Variants in SERPINA1 observed in about 807,000 individuals in gnomAD.
The protein encoded by SERPINA1 is serpin family A member 1.
A neutral mutation model predicts 25.4 loss-of-function variants in SERPINA1; 21 were observed. That is an observed-to-expected ratio of 0.83 (90% confidence interval 0.59 to 1.19). SERPINA1 has a LOEUF of 1.19. SERPINA1 is among the 50% of genes most tolerant of loss of function. The pLI is 0.00. For missense variants in SERPINA1, 546 were observed against 509.0 expected (o/e 1.07, Z -0.70); for synonymous variants, 218 against 211.1 (o/e 1.03, Z -0.29).
chr14:94,389,774 C>T (rs1046501051), upstream of SERPINA1: 1 of 152,228 alleles, frequency 6.6e-6, no homozygotes, highest in Non-Finnish European at 1.5e-5. Flanking sequence ...TTTATGCCTC[C>T]ACCTTGGGGC....
intron 2 of SERPINA1, 123 bp from the exon 3 acceptor site, chr14:94,381,264 C>T (rs1896896291): frequency 1.1e-6 from 1 of 947,398 alleles, no homozygotes. Flanking sequence ...ACACACATCC[C>T]TCGAGGCTCA....
At position 94,382,709 on chromosome 14, in the gene SERPINA1, C is replaced by A; in HGVS notation, c.529G>T (p.Ala177Ser). 1 of 1,614,244 alleles carries A rather than the reference C, an allele frequency of 6.2e-7. No individual in the cohort carries two copies. Among genetic ancestry groups the A allele is most frequent in the Non-Finnish European group, 8.5e-7 (1 of 1,180,050 alleles). ...FTVNFGDTEE[A>S]KKQINDYVEK... ...ACGTAATCGTTGATCTGTTTCTTGG[C>A]CTCTTCGGTGTCCCCGAAGTTGACA... is the stretch of plus-strand genomic sequence containing the variant. Residue 177 changes from alanine (A) to serine (S), a missense_variant, in exon 2 of 5, where the codon GCC becomes TCC. Physicochemically the swap from Ala to Ser is moderately conservative, Grantham distance 99 (BLOSUM62 1). Transcript: ENST00000393087.
rs752544117 is a variant in SERPINA1, at chr14:94,381,151, G to C, written c.647-10C>G. ...GGTCTCTCCCATTTGCCTGGAGAGA[G>C]GGGAAGGTGGGCATCACCAGGGGTG... On this transcript the variant is annotated splice_polypyrimidine_tract_variant and intron_variant, in intron 2 of 4. Coordinates refer to ENST00000393087, the MANE Select transcript of SERPINA1 (RefSeq NM_000295.5). 1.2e-6 allele frequency: 2 copies of C among 1,609,976 alleles called. No homozygotes were observed. The highest frequency in any genetic ancestry group is 1.1e-5 in the South Asian group (1 of 90,928).
intron 4 of SERPINA1, chr14:94,379,114 G>A: frequency 1.7e-6 from 1 of 575,602 alleles, no homozygotes; most frequent in Non-Finnish European, 3.1e-6. Flanking sequence ...AAATCTCACA[G>A]ATCGAAGGAG....
At position 94,380,347 on chromosome 14, in the gene SERPINA1, C is replaced by T. The variant is rs117571901; in HGVS notation, c.917+524G>A. ...TTTAAGTATCACTTACTACAGGACA[C>T]CCAATCTAACAGCACCGATAAAGTG... On this transcript the variant is annotated intron_variant, in intron 3 of 4. Coordinates refer to ENST00000393087, the MANE Select transcript of SERPINA1 (RefSeq NM_000295.5). Among the ~76,000 whole-genome samples the T allele has an allele frequency of 8.5e-5, 13 of 152,382 alleles. No homozygotes were observed. The East Asian group carries it at 1.5e-3, about 18-fold the overall frequency.
Position 94,377,542 on chromosome 14 carries a change from G to A in SERPINA1, c.*907C>T, listed in dbSNP as rs1022002962. ...ATGTGCTTCCTCTCCCATAGCTGAG[G>A]AGTCCTTGCAATGGCCTTCCTGAGC... is the stretch of plus-strand genomic sequence containing the variant. On this transcript the variant is annotated 3_prime_UTR_variant, in exon 5 of 5. Coordinates refer to ENST00000393087, the MANE Select transcript of SERPINA1 (RefSeq NM_000295.5). The A allele has an allele frequency of 1.3e-5, 2 of 152,326 alleles. No individual in the cohort carries two copies. The highest frequency in any genetic ancestry group is 2.9e-5 in the Non-Finnish European group (2 of 68,142). The allele number at this position is 152,326 out of a possible 1,614,324, so 9.4% of individuals were successfully genotyped here.
At chr14:94,379,197 A>G (rs1322621618) in intron 4 of SERPINA1, 3 of 604,490 alleles carry the variant, frequency 5.0e-6, no homozygotes, top group Non-Finnish European at 8.8e-6. Context: ...CCCAATGTCT[A>G]GAAGGTCTTG....
Position 94,383,153 on chromosome 14 carries a change from C to T in SERPINA1, c.85G>A (p.Gly29Arg). ...VPVSLAEDPQ[G>R]DAAQKTDTSH... ...GTATCTGTCTTCTGGGCAGCATCTC[C>T]CTGGGGATCCTCAGCCAGGGAGACA... is the stretch of plus-strand genomic sequence containing the variant. Residue 29 changes from glycine (G) to arginine (R), a missense_variant, in exon 2 of 5, where the codon GGA (glycine) becomes AGA (arginine). Physicochemically the swap from Gly to Arg is moderately radical, Grantham distance 125. Coordinates refer to ENST00000393087, the MANE Select transcript of SERPINA1 (RefSeq NM_000295.5). 1 of 1,614,194 alleles carries T rather than the reference C, an allele frequency of 6.2e-7. No homozygotes were observed. Among genetic ancestry groups the T allele is most frequent in the Non-Finnish European group, 8.5e-7 (1 of 1,180,030 alleles).
intron 1 of SERPINA1, among the ~76,000 whole-genome samples, chr14:94,387,684 G>C (rs554218150): frequency 1.4e-4 from 21 of 152,292 alleles, no homozygotes; most frequent in African/African-American, 5.1e-4. Context: ...AGTGACACTA[G>C]GGCCAGGTTC....
At position 94,378,460 on chromosome 14, in the gene SERPINA1, TG is replaced by T. The variant is rs1566747340; in HGVS notation, c.1245del (p.Thr416ProfsTer44). 1 of 1,613,878 alleles carries T rather than the reference TG, an allele frequency of 6.2e-7. No homozygotes were observed. Among genetic ancestry groups the T allele is most frequent in the Admixed American group, 1.7e-5 (1 of 59,996 alleles). On this transcript the variant is annotated frameshift_variant, in exon 5 of 5. Coordinates refer to ENST00000393087, the MANE Select transcript of SERPINA1 (RefSeq NM_000295.5). LOFTEE classifies it high-confidence loss of function. ...GGAGCGAGAGGCAGTTATTTTTGGG[TG>T]GGATTCACCACTTTTCCCATGAAGA... ...SPLFMGKVVN[P>X]TQK is the part of the protein sequence containing the mutation.
At chr14:94,389,692 G>T (rs71431639), upstream of SERPINA1, 1 of 152,176 alleles carries the variant, frequency 6.6e-6, no homozygotes, top group Non-Finnish European at 1.5e-5. Flanking sequence ...GGGAGCTGGC[G>T]TACGTGCCGT....
chr14:94,378,715 C>G (rs1447301581), intron 4 of SERPINA1, 75 bp from the exon 5 acceptor site: 1 of 1,536,916 alleles, frequency 6.5e-7, no homozygotes, highest in East Asian at 2.3e-5. Context: ...GGACACCTCC[C>G]AGGAAGCGCT....
At chr14:94,380,747 A>T in intron 3 of SERPINA1, 124 bp downstream of exon 3, 1 of 1,244,420 alleles carries the variant, frequency 8.0e-7, no homozygotes, top group Admixed American at 1.7e-5. Flanking sequence ...TATACAGAGT[A>T]GCAGTGACCC....
chr14:94,386,016 G>T (rs1229042546), intron 1 of SERPINA1, among the ~76,000 whole-genome samples: 1 of 152,180 alleles, frequency 6.6e-6, no homozygotes, highest in Non-Finnish European at 1.5e-5. Context: ...TCAGAATTGG[G>T]CTGTGACATT....
intron 4 of SERPINA1, 90 bp from the exon 5 acceptor site, chr14:94,378,730 C>G (rs1284474411): frequency 2.1e-6 from 3 of 1,432,546 alleles, no homozygotes; most frequent in Non-Finnish European, 2.9e-6. Flanking sequence ...AGCGCTCACT[C>G]CCCCTGGACG....
At chr14:94,387,547 G>A (rs1334187618) in intron 1 of SERPINA1, among the ~76,000 whole-genome samples, 2 of 152,174 alleles carry the variant, frequency 1.3e-5, no homozygotes, top group African/African-American at 2.4e-5. Flanking sequence ...GAAGTCAAAG[G>A]TTATCATGTT....
In SERPINA1 at chr14:94,378,500, AT is replaced by A. The variant is rs1566747504; in HGVS notation, c.1205del (p.Asn402IlefsTer12). 3 of 1,613,860 alleles carry A rather than the reference AT, an allele frequency of 1.9e-6. No homozygotes were observed. The African/African-American group carries it at 4.0e-5, about 22-fold the overall frequency. Reference protein sequence around the residue: ...KPFVFLMIEQNTKSPLFMGKV... With the variant: ...KPFVFLMIEQXTKSPLFMGKV... ...TTCCCATGAAGAGGGGAGACTTGGT[AT>A]TTTGTTCAATCATTAAGAAGACAAA... is the stretch of plus-strand genomic sequence containing the variant. On this transcript the variant is annotated frameshift_variant, in exon 5 of 5. Transcript: ENST00000393087. LOFTEE classifies it low-confidence loss of function (END_TRUNC).
Position 94,378,417 on chromosome 14 carries a change from A to T in SERPINA1, c.*32T>A. 6.3e-7 allele frequency: 1 copy of T among 1,596,074 alleles called. No individual in the cohort carries two copies. ...ATGTCATCCAGGGAGGGGGCCAGGG[A>T]TGGAGGGGAGGGGTTGAGGAGCGAG... On this transcript the variant is annotated 3_prime_UTR_variant, in exon 5 of 5. Coordinates refer to ENST00000393087, the MANE Select transcript of SERPINA1 (RefSeq NM_000295.5).
Position 94,382,602 on chromosome 14 carries a change from G to A in SERPINA1, c.636C>T (p.Ile212=). Residue 212 remains isoleucine (I), a synonymous_variant, in exon 2 of 5, where the codon ATC becomes ATT. Coordinates refer to ENST00000393087, the MANE Select transcript of SERPINA1 (RefSeq NM_000295.5). ...RDTVFALVNY[I]FFKGKWERPF... is the part of the protein sequence containing the mutation. ...GTTGAGCAACCTTACCTTTAAAGAA[G>A]ATGTAATTCACCAGAGCAAAAACTG... 3 of 1,614,214 alleles carry A rather than the reference G, an allele frequency of 1.9e-6. No homozygotes were observed. The highest frequency in any genetic ancestry group is 2.5e-6 in the Non-Finnish European group (3 of 1,180,032).
Sources: gnomAD v4.1 joint callset for allele counts (sites outside exome capture counted in the v4.1 genomes callset) on GRCh38, gnomAD v4.1.1 for gene constraint, MANE v1.5 for transcripts, NCBI Gene and HGNC (gene_info 2026-07-23, HGNC 2026-07-21) for gene names.